Variants in PKNOX1 observed in about 807,000 individuals in gnomAD.
The protein encoded by PKNOX1 is homeobox protein PKNOX1.
Under a neutral mutation model 51.9 loss-of-function variants are expected in PKNOX1, and 15 were observed. That is an observed-to-expected ratio of 0.29 (90% CI 0.19 to 0.45). PKNOX1 has a LOEUF of 0.45. PKNOX1 is among the 20% of genes least tolerant of loss of function. The pLI is 1.00. For missense variants in PKNOX1, 462 were observed against 547.5 expected, an observed-to-expected ratio of 0.84 and a Z score of 1.56; for synonymous variants, 219 against 211.1, an observed-to-expected ratio of 1.04 and a Z score of -0.32.
intron 4 of PKNOX1, among the ~76,000 whole-genome samples, chr21:43,010,730 G>A (rs1028006212): frequency 1.1e-4 from 16 of 152,056 alleles, no homozygotes; most frequent in African/African-American, 3.9e-4. Flanking sequence ...CAGGCATGGT[G>A]GCACATGCCT....
chr21:42,987,404 A>AAAAAAATATATATATATAT, intron 1 of PKNOX1, among the ~76,000 whole-genome samples: 1 of 41,418 alleles, frequency 2.4e-5, no homozygotes, highest in Non-Finnish European at 4.8e-5. Context: ...AAAAAAAAAA[A>AAAAAAATATATATATATAT]ATATATATAT....
At position 43,001,608 on chromosome 21, in the gene PKNOX1, TTC is replaced by T. The variant is rs561841344; in HGVS notation, c.-56-2710_-56-2709del. ...CCAGACTGTCTTCTAGCACAGGCTG[TTC>T]TCTCTCTTCCTGAATGGTCTCATAA... On this transcript the variant is annotated intron_variant, in intron 1 of 10. Coordinates refer to ENST00000291547, the MANE Select transcript of PKNOX1 (RefSeq NM_004571.5). Among the ~76,000 whole-genome samples, 9 of 152,326 alleles carry T rather than the reference TTC, an allele frequency of 5.9e-5. No individual in the cohort carries two copies. The South Asian group carries it at 1.9e-3, about 32-fold the overall frequency.
chr21:42,984,097 T>C (rs2059039973), intron 1 of PKNOX1, among the ~76,000 whole-genome samples: 1 of 151,444 alleles, frequency 6.6e-6, no homozygotes, highest in South Asian at 2.1e-4. Context: ...TGTGTGTGTG[T>C]GTGTGTGTGT....
intron 8 of PKNOX1, among the ~76,000 whole-genome samples, chr21:43,023,045 C>T (rs909571253): frequency 1.3e-5 from 2 of 151,948 alleles, no homozygotes; most frequent in African/African-American, 2.4e-5. Flanking sequence ...GTGAAGACGC[C>T]GCGTTTTTTC....
At chr21:42,990,272 A>C (rs1025922345) in intron 1 of PKNOX1, among the ~76,000 whole-genome samples, 11 of 151,566 alleles carry the variant, frequency 7.3e-5, no homozygotes, top group African/African-American at 2.7e-4. Context: ...TGAATAAATA[A>C]ATAAATAAAT....
chr21:43,005,650 C>T (rs1180560187), intron 2 of PKNOX1, among the ~76,000 whole-genome samples: 3 of 151,858 alleles, frequency 2.0e-5, no homozygotes, highest in Admixed American at 6.6e-5. Flanking sequence ...TGGCCCGAAT[C>T]GTCTGGCCCC....
intron 1 of PKNOX1, among the ~76,000 whole-genome samples, chr21:43,000,627 C>T (rs1978709916): frequency 1.3e-5 from 2 of 152,162 alleles, no homozygotes; most frequent in Non-Finnish European, 2.9e-5. Context: ...CCATATCACA[C>T]CTGTAATCCA....
At chr21:43,009,032 G>A (rs1979123885) in intron 3 of PKNOX1, among the ~76,000 whole-genome samples, 1 of 152,096 alleles carries the variant, frequency 6.6e-6, no homozygotes. Context: ...AAGGAATGAA[G>A]TGGCGGGCGC....
At chr21:42,993,521 C>CTTTTTT (rs34451305) in intron 1 of PKNOX1, among the ~76,000 whole-genome samples, 5 of 142,470 alleles carry the variant, frequency 3.5e-5, no homozygotes. Flanking sequence ...AATTCTAAAA[C>CTTTTTT]TTTTTTTTTT....
Position 43,007,550 on chromosome 21 carries a change from A to G in PKNOX1, c.111A>G (p.Ala37=), listed in dbSNP as rs753331980. The G allele has an allele frequency of 5.0e-6, 8 of 1,614,026 alleles. No homozygotes were observed. Among genetic ancestry groups the G allele is most frequent in the Non-Finnish European group, 5.9e-6 (7 of 1,179,976 alleles). The change falls in exon 3 of 11, where the codon GCA becomes GCG. Residue 37 remains alanine, a synonymous_variant. Transcript: ENST00000291547. ...EQDPNCSEPD[A]EGVSPPPVES... is the part of the protein sequence containing the mutation. Reference sequence around the variant, plus strand: ...ATCCAAACTGCTCTGAACCCGATGCAGAAGGAGTGAGCCCTCCCCCTGTGG... The same window carrying G: ...ATCCAAACTGCTCTGAACCCGATGCGGAAGGAGTGAGCCCTCCCCCTGTGG...
intron 4 of PKNOX1, 60 bp from the exon 5 acceptor site, chr21:43,013,008 C>T: frequency 7.3e-7 from 1 of 1,363,338 alleles, no homozygotes; most frequent in East Asian, 2.4e-5. Flanking sequence ...TATGTAGGAT[C>T]ATGATAACTT....
intron 4 of PKNOX1, among the ~76,000 whole-genome samples, chr21:43,012,427 G>A (rs1467754692): frequency 6.6e-6 from 1 of 152,124 alleles, no homozygotes; most frequent in Non-Finnish European, 1.5e-5. Flanking sequence ...GGGCATGGTG[G>A]TGCACACCTG....
chr21:42,977,241 A>G (rs9974950), intron 1 of PKNOX1, among the ~76,000 whole-genome samples: 2,840 of 152,348 alleles, frequency 0.019, 39 homozygotes, highest in Middle Eastern at 0.031. Flanking sequence ...GCTTCAGCTT[A>G]AAGTCACCAG....
chr21:42,997,324 G>A (rs569730435), intron 1 of PKNOX1, among the ~76,000 whole-genome samples: 1 of 152,292 alleles, frequency 6.6e-6, no homozygotes, highest in African/African-American at 2.4e-5. Flanking sequence ...ATGGAGGTTG[G>A]CTCAGACACA....
chr21:42,987,404 A>AAAAAAATATATATATATATATATATAT, intron 1 of PKNOX1, among the ~76,000 whole-genome samples: 3 of 41,404 alleles, frequency 7.2e-5, no homozygotes, highest in Admixed American at 3.1e-4. Flanking sequence ...AAAAAAAAAA[A>AAAAAAATATATATATATATATATATAT]ATATATATAT....
chr21:42,980,046 G>C (rs1340671497), intron 1 of PKNOX1, among the ~76,000 whole-genome samples: 2 of 152,194 alleles, frequency 1.3e-5, no homozygotes, highest in African/African-American at 4.8e-5. Context: ...TCTATATGTA[G>C]TTAACGTTTC....
intron 10 of PKNOX1, among the ~76,000 whole-genome samples, 177 bp from the exon 11 acceptor site, chr21:43,029,713 G>A (rs1980160984): frequency 6.6e-6 from 1 of 152,170 alleles, no homozygotes; most frequent in South Asian, 2.1e-4. Flanking sequence ...TTACAGGCAT[G>A]AGCTACCGCG....
intron 1 of PKNOX1, among the ~76,000 whole-genome samples, chr21:42,999,202 G>A (rs1978638949): frequency 6.6e-6 from 1 of 152,362 alleles, no homozygotes; most frequent in Admixed American, 6.5e-5. Context: ...GCCAAGGCCC[G>A]AGTTCTGCAT....
intron 6 of PKNOX1, chr21:43,017,338 G>A (rs1397429409): frequency 5.5e-6 from 1 of 181,466 alleles, no homozygotes; most frequent in Non-Finnish European, 1.2e-5. Flanking sequence ...AAAATCTTAA[G>A]TTTTATCATT....
Sources: allele counts gnomAD v4.1 joint callset (sites outside exome capture counted in the v4.1 genomes callset), GRCh38; gene constraint gnomAD v4.1.1; transcripts MANE v1.5; gene names NCBI Gene and HGNC (gene_info 2026-07-23, HGNC 2026-07-21).